The following GLUD1 variants were observed in gnomAD, a reference collection of about 807,000 sequenced individuals.
GLUD1 encodes the protein glutamate dehydrogenase 1.
GLUD1 carries 22 observed loss-of-function variants against 56.0 expected under a neutral mutation model. The observed-to-expected ratio is 0.39, with a 90% CI of 0.28 to 0.56. The LOEUF is 0.56. GLUD1 is among the 20% of genes least tolerant of loss of function. GLUD1 has a pLI of 0.58. For missense variants in GLUD1, 451 were observed against 732.0 expected, an observed-to-expected ratio of 0.62 and a Z score of 4.43; for synonymous variants, 223 against 269.9, an observed-to-expected ratio of 0.83 and a Z score of 1.70.
chr10:87,051,080 G>A lies in GLUD1; in HGVS notation c.*671C>T, dbSNP rs1393466775. The A allele has an allele frequency of 6.2e-6, 1 of 161,140 alleles. No homozygotes were observed. Among genetic ancestry groups the A allele is most frequent in the African/African-American group, 2.4e-5 (1 of 41,530 alleles). 10.0% of individuals were successfully genotyped at this position (161,140 alleles called of 1,614,324 possible). A position where few individuals can be genotyped will look rare whatever the true frequency, so the allele number is the denominator to read the frequency against. ...TGAATGATAAGCTATAAATGACATT[G>A]TTTTATGATATAAAAATACTAGTTT... On this transcript the variant is annotated 3_prime_UTR_variant, in exon 13 of 13. Transcript: ENST00000277865.
chr10:87,062,556 T>C (rs1845963812), intron 6 of GLUD1, 100 bp downstream of exon 6: 3 of 960,530 alleles, frequency 3.1e-6, no homozygotes, highest in Admixed American at 2.1e-5. Flanking sequence ...TTTAAGAGAT[T>C]TGAGATAACT....
intron 3 of GLUD1, among the ~76,000 whole-genome samples, 192 bp from the exon 4 acceptor site, chr10:87,074,806 A>G (rs1350872169): frequency 6.6e-6 from 1 of 152,198 alleles, no homozygotes; most frequent in African/African-American, 2.4e-5. Context: ...AGGTTATAAA[A>G]ACAAGATAGT....
At chr10:87,057,938 A>G (rs951984523) in intron 10 of GLUD1, among the ~76,000 whole-genome samples, 156 bp from the exon 11 acceptor site, 1 of 151,994 alleles carries the variant, frequency 6.6e-6, no homozygotes, top group Non-Finnish European at 1.5e-5. Context: ...GCGTGATCTC[A>G]GCTCACTGCA....
At chr10:87,067,345 C>T (rs1846105093) in intron 5 of GLUD1, among the ~76,000 whole-genome samples, 1 of 152,188 alleles carries the variant, frequency 6.6e-6, no homozygotes, top group Non-Finnish European at 1.5e-5. Context: ...CTCAAGCATG[C>T]CTCCCAGGTA....
At chr10:87,077,592 G>T (rs1398881087) in intron 1 of GLUD1, among the ~76,000 whole-genome samples, 1 of 150,300 alleles carries the variant, frequency 6.7e-6, no homozygotes, top group Non-Finnish European at 1.5e-5. Context: ...GCCATTACGT[G>T]TTGGTACAGG....
At chr10:87,084,741 A>C (rs868835543) in intron 1 of GLUD1, among the ~76,000 whole-genome samples, 1 of 152,240 alleles carries the variant, frequency 6.6e-6, no homozygotes, top group African/African-American at 2.4e-5. Context: ...TTTATTCAGT[A>C]ACCAAGAGTT....
chr10:87,051,303 A>G lies in GLUD1; in HGVS notation c.*448T>C. The G allele has an allele frequency of 4.6e-6, 1 of 215,222 alleles. No individual in the cohort carries two copies. The allele number at this position is 215,222 out of a possible 1,614,324, so 13.3% of individuals were successfully genotyped here. ...TGCTGATATAAAATACTAAGAACTC[A>G]CTTGAGGACCATGCCACCTTCTGAA... On this transcript the variant is annotated 3_prime_UTR_variant, in exon 13 of 13. Transcript: ENST00000277865.
In GLUD1 at chr10:87,094,666, C is replaced by T. The variant is rs552066337; in HGVS notation, c.104G>A (p.Gly35Glu). 8.4e-4 allele frequency: 1,315 copies of T among 1,565,594 alleles called. 20 individuals carry two copies. The South Asian group carries it at 0.014, about 17-fold the overall frequency. ...DSAALLGWAR[G>E]QPAAAPQPGL... is the part of the protein sequence containing the mutation. ...CGGCTGCGGGGCGGCGGCGGGCTGT[C>T]CCCGGGCCCAGCCCAGCAACGCGGC... Residue 35 changes from glycine (G) to glutamate (E), a missense_variant, in exon 1 of 13, where the codon GGA becomes GAA. Gly to Glu is a moderately conservative substitution (Grantham distance 98, BLOSUM62 -2). This residue lies in a region of GLUD1 where 158 missense variants were observed against 189.7 expected (regional missense o/e 0.83). Coordinates refer to ENST00000277865, the MANE Select transcript of GLUD1 (RefSeq NM_005271.5). The surrounding 1 kb of genome is among the most constrained non-coding windows in gnomAD (Gnocchi z 6.6).
chr10:87,062,949 G>A, intron 5 of GLUD1, 114 bp from the exon 6 acceptor site: 2 of 952,856 alleles, frequency 2.1e-6, no homozygotes, highest in Non-Finnish European at 3.3e-6. Context: ...ATGCTAATTA[G>A]GAGTGTGTGT....
chr10:87,055,172 G>A (rs1845735546), intron 11 of GLUD1, among the ~76,000 whole-genome samples: 1 of 75,350 alleles, frequency 1.3e-5, no homozygotes, highest in East Asian at 2.3e-4. Context: ...GTAGAGGCAC[G>A]GGATTTAATC....
intron 12 of GLUD1, among the ~76,000 whole-genome samples, chr10:87,052,153 C>T (rs1272286017): frequency 3.9e-5 from 6 of 152,102 alleles, no homozygotes; most frequent in African/African-American, 7.2e-5. Flanking sequence ...AGTTCAAGAC[C>T]GGACTTGCCA....
At chr10:87,076,929 T>G (rs1167592496) in intron 1 of GLUD1, among the ~76,000 whole-genome samples, 2 of 151,918 alleles carry the variant, frequency 1.3e-5, no homozygotes, top group African/African-American at 4.8e-5. Context: ...CTGTACACTT[T>G]CCAGAAGGCT....
At chr10:87,061,428 G>T (rs1845925793) in intron 6 of GLUD1, among the ~76,000 whole-genome samples, 1 of 152,014 alleles carries the variant, frequency 6.6e-6, no homozygotes, top group Admixed American at 6.6e-5. Context: ...TGAGGTAGGA[G>T]AATCACTTGA....
chr10:87,074,165 A>G (rs1162030247), intron 4 of GLUD1, among the ~76,000 whole-genome samples: 1 of 152,204 alleles, frequency 6.6e-6, no homozygotes, highest in African/African-American at 2.4e-5. Flanking sequence ...ACAAAGATTA[A>G]TATCTTCAGA....
intron 11 of GLUD1, among the ~76,000 whole-genome samples, chr10:87,054,741 C>G (rs1312021080): frequency 6.6e-6 from 1 of 152,100 alleles, no homozygotes; most frequent in East Asian, 1.9e-4. Flanking sequence ...TTTAAAACAG[C>G]ATTTGGTAAG....
chr10:87,054,670 T>C (rs1845719039), intron 11 of GLUD1, among the ~76,000 whole-genome samples: 1 of 152,156 alleles, frequency 6.6e-6, no homozygotes, highest in African/African-American at 2.4e-5. Flanking sequence ...CAAGGAGGTT[T>C]GCTCTACAGG....
chr10:87,059,262 C>T lies in GLUD1; in HGVS notation c.1290G>A (p.Leu430=), dbSNP rs1298318331. The change falls in exon 10 of 13, where the codon TTG becomes TTA. Residue 430 remains leucine, a synonymous_variant. Coordinates refer to ENST00000277865, the MANE Select transcript of GLUD1 (RefSeq NM_005271.5). ...AAGATACTGTCACTCCTCCAGCATT[C>T]AAGTAGAGATCCTATGCACAAAAAT... The part of the protein sequence containing the change: ...RNIMVIPDLY[L]NAGGVTVSYF... 6.2e-7 allele frequency: 1 copy of T among 1,613,546 alleles called. No individual in the cohort carries two copies. The highest frequency in any genetic ancestry group is 1.3e-5 in the African/African-American group (1 of 74,888).
intron 5 of GLUD1, among the ~76,000 whole-genome samples, chr10:87,065,079 T>C (rs1289704908): frequency 6.6e-6 from 1 of 152,050 alleles, no homozygotes; most frequent in East Asian, 1.9e-4. Flanking sequence ...CCAGTATAGT[T>C]GCTTCACCTG....
At chr10:87,085,218 C>T (rs1318993547) in intron 1 of GLUD1, among the ~76,000 whole-genome samples, 1 of 152,026 alleles carries the variant, frequency 6.6e-6, no homozygotes, top group Admixed American at 6.6e-5. Flanking sequence ...TGGTGGTGCA[C>T]ACCTGTAATC....
Sources: allele counts gnomAD v4.1 joint callset (sites outside exome capture counted in the v4.1 genomes callset), GRCh38; gene constraint gnomAD v4.1.1; regional missense constraint gnomAD v4.1.1; non-coding constraint Gnocchi (gnomAD v3.1); transcripts MANE v1.5; gene names NCBI Gene and HGNC (gene_info 2026-07-23, HGNC 2026-07-21).